RGS6: variants seen among roughly 807,000 people sequenced by gnomAD.
The protein encoded by RGS6 is regulator of G protein signaling 6.
RGS6 carries 30 observed loss-of-function variants against 78.5 expected under a neutral mutation model. The observed-to-expected ratio is 0.38, with a 90% CI of 0.29 to 0.52. The LOEUF is 0.52. RGS6 is among the 20% of genes least tolerant of loss of function. The probability of loss-of-function intolerance (pLI) is 0.85; values close to 1 mark genes in which losing one functional copy is unlikely to be tolerated. For synonymous variants in RGS6, 206 were observed against 206.0 expected (o/e 1.00, Z 0.00); for missense variants, 495 against 609.7 (o/e 0.81, Z 1.98).
intron 15 of RGS6, among the ~76,000 whole-genome samples, chr14:72,527,191 T>C (rs2097130194): frequency 6.6e-6 from 1 of 152,196 alleles, no homozygotes; most frequent in Admixed American, 6.5e-5. Flanking sequence ...TGATAGTGAA[T>C]AGTACCCAAA....
chr14:71,997,418 G>T (rs1017120909), intron 2 of RGS6, among the ~76,000 whole-genome samples: 1 of 152,202 alleles, frequency 6.6e-6, no homozygotes, highest in African/African-American at 2.4e-5. Context: ...GGCATAGAGG[G>T]TCAGGGCTTC....
chr14:72,422,804 C>T (rs2094253813), intron 3 of RGS6, among the ~76,000 whole-genome samples: 1 of 152,152 alleles, frequency 6.6e-6, no homozygotes, highest in South Asian at 2.1e-4. Context: ...AGAAAGAGAA[C>T]TGGGAGAGGA....
chr14:72,083,309 C>A (rs185278406), intron 2 of RGS6, among the ~76,000 whole-genome samples: 1 of 152,122 alleles, frequency 6.6e-6, no homozygotes, highest in Non-Finnish European at 1.5e-5. Flanking sequence ...AGTCTGGAAA[C>A]ATCTTTGTGC....
In RGS6 at chr14:72,133,064, T is replaced by G. The variant is rs187478701; in HGVS notation, c.84+168189T>G. 2.9e-3 allele frequency among the ~76,000 whole-genome samples: 437 copies of G among 152,276 alleles called. 1 individual carries two copies. Among genetic ancestry groups the G allele is most frequent in the African/African-American group, 9.6e-3 (400 of 41,554 alleles). ...TGACTTCCTCCAAGAAGAAGGAAAC[T>G]GGGGGGCCGAGAAGATGTGGCAAAA... On this transcript the variant is annotated intron_variant, in intron 2 of 17. Transcript: ENST00000553525.
At chr14:72,278,887 C>G (rs1206681119) in intron 2 of RGS6, among the ~76,000 whole-genome samples, 1 of 152,086 alleles carries the variant, frequency 6.6e-6, no homozygotes, top group Non-Finnish European at 1.5e-5. Context: ...GGTTCGGTTT[C>G]TGGTGATTCC....
chr14:72,541,633 C>T (rs2097328702), intron 17 of RGS6: 1 of 1,534,760 alleles, frequency 6.5e-7, no homozygotes, highest in African/African-American at 1.4e-5. Context: ...AGTGGGATCC[C>T]ATCTCTCTCT....
intron 2 of RGS6, among the ~76,000 whole-genome samples, chr14:72,211,861 T>G (rs941742342): frequency 2.0e-5 from 3 of 152,144 alleles, no homozygotes; most frequent in Non-Finnish European, 4.4e-5. Context: ...CATAAAACCT[T>G]GGAAAATAAG....
chr14:72,102,306 A>AT (rs2153527747), intron 2 of RGS6, among the ~76,000 whole-genome samples: 1 of 152,340 alleles, frequency 6.6e-6, no homozygotes, highest in East Asian at 1.9e-4. Context: ...TGCTTTACCA[A>AT]AATACATTTA....
In RGS6 at chr14:72,465,900, T is replaced by C. The variant is rs938682025; in HGVS notation, c.459+78T>C. Reference sequence around the variant, plus strand: ...TGCAGCTCCGTCTAAGTTTATTTTTTTTTTCTTTTGTCCCCCTTTTGTCCC... The same window carrying C: ...TGCAGCTCCGTCTAAGTTTATTTTTCTTTTCTTTTGTCCCCCTTTTGTCCC... On this transcript the variant is annotated intron_variant, in intron 7 of 17. Transcript: ENST00000553525. 2.5e-5 allele frequency: 31 copies of C among 1,247,182 alleles called. No homozygotes were observed. In the Admixed American group the frequency reaches 4.9e-4, roughly 20 times the overall value. 77.3% of individuals were successfully genotyped at this position (1,247,182 alleles called of 1,614,324 possible). A position where few individuals can be genotyped will look rare whatever the true frequency, so the allele number is the denominator to read the frequency against.
At chr14:72,229,948 T>G (rs2049130110) in intron 2 of RGS6, among the ~76,000 whole-genome samples, 2 of 152,212 alleles carry the variant, frequency 1.3e-5, no homozygotes, top group African/African-American at 4.8e-5. Context: ...GGGCTCTGTT[T>G]GGCCTCATTT....
At chr14:72,548,342 T>TGTGCGCGC (rs796698263) in intron 17 of RGS6, among the ~76,000 whole-genome samples, 1 of 134,744 alleles carries the variant, frequency 7.4e-6, no homozygotes, top group African/African-American at 3.2e-5. Flanking sequence ...TGTGTGTGTG[T>TGTGCGCGC]GCGCGCGTGT....
intron 3 of RGS6, among the ~76,000 whole-genome samples, chr14:72,370,839 T>G (rs1021913241): frequency 6.6e-5 from 10 of 152,230 alleles, no homozygotes; most frequent in Non-Finnish European, 1.0e-4. Flanking sequence ...AGCTTTCCTT[T>G]TCCTTTTTCC....
intron 2 of RGS6, among the ~76,000 whole-genome samples, chr14:72,043,472 A>AT (rs1351790466): frequency 9.9e-6 from 1 of 100,606 alleles, no homozygotes; most frequent in Non-Finnish European, 2.0e-5. Flanking sequence ...AAAAGTCTTT[A>AT]TTTTTTCTTC....
At chr14:71,936,993 C>T (rs1167996786) in intron 1 of RGS6, among the ~76,000 whole-genome samples, 2 of 152,156 alleles carry the variant, frequency 1.3e-5, no homozygotes, top group African/African-American at 4.8e-5. Flanking sequence ...TTTGTAGTCC[C>T]GCCTGGATTG....
chr14:72,062,343 C>T (rs939796932), intron 2 of RGS6, among the ~76,000 whole-genome samples: 6 of 152,146 alleles, frequency 3.9e-5, no homozygotes, highest in African/African-American at 9.7e-5. Flanking sequence ...AAGCCAGAGA[C>T]GTGGTCAAGA....
Position 72,169,522 on chromosome 14 carries a change from G to C in RGS6, c.85-182573G>C, listed in dbSNP as rs146297789. Among the ~76,000 whole-genome samples, 19 of 152,318 alleles carry C rather than the reference G, an allele frequency of 1.2e-4. No homozygotes were observed. In the East Asian group the frequency reaches 3.5e-3, roughly 28 times the overall value. ...AAACAGTGGCTTACTTAGGGTGGTG[G>C]TGCATCTTGCTCTTGAATAAATCTG... On this transcript the variant is annotated intron_variant, in intron 2 of 17. Transcript: ENST00000553525.
chr14:72,159,249 A>G (rs1296985524), intron 2 of RGS6, among the ~76,000 whole-genome samples: 2 of 152,190 alleles, frequency 1.3e-5, no homozygotes, highest in African/African-American at 4.8e-5. Flanking sequence ...TGGCAGTGTT[A>G]TTCAGAACAT....
intron 2 of RGS6, among the ~76,000 whole-genome samples, chr14:72,171,295 T>G (rs2097014042): frequency 6.6e-6 from 1 of 152,086 alleles, no homozygotes; most frequent in Non-Finnish European, 1.5e-5. Flanking sequence ...CATCAACTTC[T>G]TTTTTTCAGC....
intron 2 of RGS6, among the ~76,000 whole-genome samples, chr14:72,070,996 C>G (rs1342071068): frequency 6.6e-6 from 1 of 152,080 alleles, no homozygotes; most frequent in Non-Finnish European, 1.5e-5. Context: ...TTCATCTCCT[C>G]TCATGGTTTT....
Sources: gnomAD v4.1 joint callset for allele counts (sites outside exome capture counted in the v4.1 genomes callset) on GRCh38, gnomAD v4.1.1 for gene constraint, MANE v1.5 for transcripts, NCBI Gene and HGNC (gene_info 2026-07-23, HGNC 2026-07-21) for gene names.